The following PCDHA10 variants were observed in gnomAD, a reference collection of about 807,000 sequenced individuals.
PCDHA10 encodes the protein protocadherin alpha-10.
In PCDHA10, 45 loss-of-function variants were observed where a neutral mutation model predicts 61.2. The observed-to-expected ratio is 0.74, with a 90% CI of 0.58 to 0.94. The LOEUF (loss-of-function observed/expected upper bound fraction) is 0.94. Among genes scored for constraint, PCDHA10 ranks in the 40% least tolerant of loss-of-function variants. The pLI is 0.00. For missense variants in PCDHA10, 1,278 were observed against 1,236.2 expected (o/e 1.03, Z -0.51); for synonymous variants, 602 against 548.8 (o/e 1.10, Z -1.35).
Position 140,856,568 on chromosome 5 carries a change from A to T in PCDHA10, c.520A>T (p.Asn174Tyr), listed in dbSNP as rs1554148862. Reference protein sequence around the residue: ...NALLTYKLSPNEYFVLDIINK... With the variant: ...NALLTYKLSPYEYFVLDIINK... ...ATTGCTTACTTACAAACTCAGTCCA[A>T]ATGAGTATTTTGTTCTTGATATTAT... Residue 174 changes from asparagine (N) to tyrosine (Y), a missense_variant, in exon 1 of 4, where the codon AAT becomes TAT. Coordinates refer to ENST00000307360, the MANE Select transcript of PCDHA10 (RefSeq NM_018901.4). The T allele has an allele frequency of 1.3e-6, 2 of 1,597,928 alleles. No homozygotes were observed. Among genetic ancestry groups the T allele is most frequent in the Middle Eastern group, 3.3e-4 (2 of 5,998 alleles).
At chr5:140,874,117 T>C (rs1349618614) in intron 1 of PCDHA10, among the ~76,000 whole-genome samples, 2 of 152,248 alleles carry the variant, frequency 1.3e-5, no homozygotes, top group Admixed American at 1.3e-4. Context: ...TAACGTTTTA[T>C]AGTTTATTTA....
At chr5:141,003,095 T>C (rs1245011518) in intron 3 of PCDHA10, among the ~76,000 whole-genome samples, 3 of 152,258 alleles carry the variant, frequency 2.0e-5, no homozygotes, top group African/African-American at 7.2e-5. Flanking sequence ...AGGCCTGGCA[T>C]TTGCTTCACA....
In PCDHA10 at chr5:140,982,530, C is replaced by G; in HGVS notation, c.2503C>G (p.Gln835Glu). The G allele has an allele frequency of 1.2e-6, 2 of 1,614,200 alleles. No homozygotes were observed. The highest frequency in any genetic ancestry group is 3.3e-5 in the Admixed American group (2 of 60,020). ...ILRAGPGGPDQQWPTVSSATP... is the reference protein window; with the variant it reads ...ILRAGPGGPDEQWPTVSSATP... ...ACGGGCTGGTCCAGGAGGGCCTGATCAGCAGTGGCCAACAGTATCCAGTGC... is the reference window on the plus strand; with the variant it reads ...ACGGGCTGGTCCAGGAGGGCCTGATGAGCAGTGGCCAACAGTATCCAGTGC... The change falls in exon 3 of 4, where the codon CAG (glutamine) becomes GAG (glutamate). Residue 835 changes from glutamine to glutamate, a missense_variant. By Grantham distance (29) the Gln-to-Glu change is conservative. Transcript: ENST00000307360.
chr5:140,940,736 A>G (rs1554213579), intron 1 of PCDHA10, among the ~76,000 whole-genome samples: 1 of 152,200 alleles, frequency 6.6e-6, no homozygotes, highest in Non-Finnish European at 1.5e-5. Flanking sequence ...GGACAGCTCC[A>G]TATTTTTATG....
chr5:140,988,673 A>G (rs2153876025), intron 3 of PCDHA10, among the ~76,000 whole-genome samples: 1 of 152,344 alleles, frequency 6.6e-6, no homozygotes, highest in South Asian at 2.1e-4. Context: ...AGACTCTAAG[A>G]TAATTCTTTC....
At chr5:140,986,213 C>T (rs1554247816) in intron 3 of PCDHA10, among the ~76,000 whole-genome samples, 2 of 152,208 alleles carry the variant, frequency 1.3e-5, no homozygotes, top group Non-Finnish European at 2.9e-5. Context: ...TTACTGGCCC[C>T]TTTCTCTAGC....
intron 1 of PCDHA10, among the ~76,000 whole-genome samples, chr5:140,924,530 C>T (rs1263885513): frequency 6.6e-6 from 1 of 152,002 alleles, no homozygotes; most frequent in Non-Finnish European, 1.5e-5. Context: ...AGAGAATGCC[C>T]GAGCTACCCC....
chr5:140,917,741 C>G (rs2078335946), intron 1 of PCDHA10, among the ~76,000 whole-genome samples: 1 of 152,048 alleles, frequency 6.6e-6, no homozygotes, highest in Non-Finnish European at 1.5e-5. Flanking sequence ...CTAACCTGTC[C>G]CATTGGTCTA....
At chr5:140,967,695 T>C (rs782761674) in intron 1 of PCDHA10, 5 of 1,614,184 alleles carry the variant, frequency 3.1e-6, no homozygotes, top group Admixed American at 1.7e-5. Flanking sequence ...CTCTTCAGCA[T>C]AGATGCCAGT....
chr5:140,895,614 A>T (rs185386474), intron 1 of PCDHA10, among the ~76,000 whole-genome samples: 101 of 152,212 alleles, frequency 6.6e-4, no homozygotes, highest in African/African-American at 2.4e-3. Context: ...TTTCTCATTG[A>T]GGGTGTTGTC....
At chr5:140,911,257 A>G (rs1423375928) in intron 1 of PCDHA10, among the ~76,000 whole-genome samples, 1 of 152,156 alleles carries the variant, frequency 6.6e-6, no homozygotes, top group African/African-American at 2.4e-5. Context: ...ATCAGAATTT[A>G]TAATCTCAGT....
chr5:140,992,558 G>A (rs567645353), intron 3 of PCDHA10, among the ~76,000 whole-genome samples: 27 of 152,256 alleles, frequency 1.8e-4, no homozygotes, highest in African/African-American at 5.8e-4. Context: ...CCAGGAGATG[G>A]GGCAACACAT....
Position 140,855,947 on chromosome 5 carries a change from T to A in PCDHA10, c.-102T>A. On this transcript the variant is annotated 5_prime_UTR_variant, in exon 1 of 4. Transcript: ENST00000307360. Reference sequence around the variant, plus strand: ...TAGCGTCATTCTGAGATCTCAGCCATTTCGATAAAAAATAGATATAAGAAA... The same window carrying A: ...TAGCGTCATTCTGAGATCTCAGCCAATTCGATAAAAAATAGATATAAGAAA... 2.9e-6 allele frequency: 4 copies of A among 1,358,712 alleles called. No homozygotes were observed. In the Admixed American group the frequency reaches 7.1e-5, roughly 24 times the overall value. The allele number at this position is 1,358,712 out of a possible 1,614,324, so 84.2% of individuals were successfully genotyped here. A position where few individuals can be genotyped will look rare whatever the true frequency, so the allele number is the denominator to read the frequency against.
At chr5:141,000,639 G>A (rs1375900945) in intron 3 of PCDHA10, among the ~76,000 whole-genome samples, 2 of 151,186 alleles carry the variant, frequency 1.3e-5, no homozygotes, top group East Asian at 1.9e-4. Flanking sequence ...TGTTGGGCAG[G>A]CTGGTCTCGA....
chr5:140,922,268 A>T (rs2153564244), intron 1 of PCDHA10, among the ~76,000 whole-genome samples: 1 of 152,382 alleles, frequency 6.6e-6, no homozygotes, highest in Non-Finnish European at 1.5e-5. Context: ...TGCCATGAAG[A>T]TTGGACCAAG....
intron 3 of PCDHA10, among the ~76,000 whole-genome samples, chr5:141,000,413 A>AT (rs2097920175): frequency 1.1e-5 from 1 of 93,256 alleles, no homozygotes; most frequent in African/African-American, 4.5e-5. Context: ...ATATATATAT[A>AT]TATATATATT....
At chr5:140,952,970 T>C (rs2094826762) in intron 1 of PCDHA10, among the ~76,000 whole-genome samples, 1 of 152,000 alleles carries the variant, frequency 6.6e-6, no homozygotes, top group Non-Finnish European at 1.5e-5. Context: ...TACACACTTT[T>C]AAACAACAAG....
chr5:140,987,138 C>T (rs2097231368), intron 3 of PCDHA10, among the ~76,000 whole-genome samples: 1 of 151,182 alleles, frequency 6.6e-6, no homozygotes, highest in Non-Finnish European at 1.5e-5. Context: ...TGCTTGAACT[C>T]GGGAGGTGGA....
At chr5:141,004,168 C>T (rs2098156227) in intron 3 of PCDHA10, among the ~76,000 whole-genome samples, 1 of 152,226 alleles carries the variant, frequency 6.6e-6, no homozygotes, top group Admixed American at 6.5e-5. Context: ...GCAAAGCCAG[C>T]CAAGTGTCTT....
Sources: allele counts gnomAD v4.1 joint callset (sites outside exome capture counted in the v4.1 genomes callset), GRCh38; gene constraint gnomAD v4.1.1; transcripts MANE v1.5; gene names NCBI Gene and HGNC (gene_info 2026-07-23, HGNC 2026-07-21).